GAS2L3: variants seen among roughly 807,000 people sequenced by gnomAD.
GAS2L3 encodes the protein GAS2-like protein 3.
In GAS2L3, 28 loss-of-function variants were observed where a neutral mutation model predicts 37.0. The ratio of observed to expected loss-of-function variants is 0.76; its 90% CI spans 0.56 to 1.04. GAS2L3 has a LOEUF of 1.04. Ranked by LOEUF, GAS2L3 falls within the 50% of genes least tolerant of loss-of-function variation. GAS2L3 has a pLI of 0.00. For synonymous variants in GAS2L3, 290 were observed against 296.6 expected (o/e 0.98, Z 0.23); for missense variants, 793 against 817.6 (o/e 0.97, Z 0.37).
Position 100,622,354 on chromosome 12 carries a change from G to C in GAS2L3, c.728G>C (p.Arg243Pro). The change falls in exon 9 of 10, where the codon CGA becomes CCA. Residue 243 changes from arginine to proline, a missense_variant. Physicochemically the swap from Arg to Pro is moderately radical, Grantham distance 103. Coordinates refer to ENST00000547754, the MANE Select transcript of GAS2L3 (RefSeq NM_174942.3). Reference protein sequence around the residue: ...SIEYLSEGRYRLGDKILFIRM... With the variant: ...SIEYLSEGRYPLGDKILFIRM... The stretch of plus-strand genomic sequence containing the variant: ...GAGTATTTATCTGAAGGACGGTACC[G>C]ACTAGGGGATAAAATACTCTTTATA... The C allele has an allele frequency of 6.3e-7, 1 of 1,577,570 alleles. No homozygotes were observed. Among genetic ancestry groups the C allele is most frequent in the Non-Finnish European group, 8.7e-7 (1 of 1,148,394 alleles).
intron 5 of GAS2L3, among the ~76,000 whole-genome samples, chr12:100,605,855 G>A (rs2136491867): frequency 6.6e-6 from 1 of 151,372 alleles, no homozygotes; most frequent in South Asian, 2.1e-4. Context: ...GGTCAGAGGA[G>A]ATGCTTTATG....
At chr12:100,578,154 ATGG>A (rs1236195703) in intron 1 of GAS2L3, among the ~76,000 whole-genome samples, 1 of 152,234 alleles carries the variant, frequency 6.6e-6, no homozygotes, top group Non-Finnish European at 1.5e-5. Context: ...GAGAAGGATG[ATGG>A]TGGCTTGAAC....
intron 5 of GAS2L3, among the ~76,000 whole-genome samples, chr12:100,611,790 C>A (rs893807159): frequency 6.6e-6 from 1 of 152,084 alleles, no homozygotes; most frequent in African/African-American, 2.4e-5. Context: ...TGCTAACAGG[C>A]CACAGACCGG....
intron 3 of GAS2L3, among the ~76,000 whole-genome samples, chr12:100,599,065 C>A (rs1461591965): frequency 6.6e-6 from 1 of 152,142 alleles, no homozygotes; most frequent in Non-Finnish European, 1.5e-5. Context: ...ACAGGGCTGT[C>A]CCCATACCCG....
chr12:100,602,748 A>T (rs1956007639), intron 5 of GAS2L3, among the ~76,000 whole-genome samples: 2 of 151,894 alleles, frequency 1.3e-5, no homozygotes, highest in Non-Finnish European at 2.9e-5. Flanking sequence ...AATTCTTTCT[A>T]ACTATATATT....
chr12:100,605,604 T>C (rs1245904761), intron 5 of GAS2L3, among the ~76,000 whole-genome samples: 2 of 151,940 alleles, frequency 1.3e-5, no homozygotes, highest in Non-Finnish European at 2.9e-5. Flanking sequence ...ATGTTTTTCT[T>C]CTTTTTTGAT....
At chr12:100,615,241 C>T (rs138971066) in intron 6 of GAS2L3, among the ~76,000 whole-genome samples, 12 of 152,246 alleles carry the variant, frequency 7.9e-5, no homozygotes, top group South Asian at 2.1e-4. Context: ...TTTTGATTCG[C>T]GTTTCCCTAA....
intron 1 of GAS2L3, chr12:100,579,289 T>A: frequency 3.2e-6 from 2 of 627,118 alleles, no homozygotes; most frequent in South Asian, 3.7e-5. Context: ...GCCGTATCAT[T>A]TGCGTTTCTT....
intron 5 of GAS2L3, chr12:100,610,915 T>A (rs974684100): frequency 4.6e-5 from 7 of 151,688 alleles, no homozygotes; most frequent in Admixed American, 4.6e-4. Flanking sequence ...TTTGATAGTC[T>A]CCTCAAGAAA....
chr12:100,579,533 G>A (rs761019681), intron 1 of GAS2L3: 5 of 774,008 alleles, frequency 6.5e-6, no homozygotes, highest in Non-Finnish European at 1.2e-5. Context: ...TTGGAGGAGA[G>A]GGACCAAAGA....
Position 100,622,290 on chromosome 12 carries a change from G to A in GAS2L3, c.664G>A (p.Glu222Lys), listed in dbSNP as rs117541078. 1.3e-3 allele frequency: 2,134 copies of A among 1,590,728 alleles called. 12 individuals carry two copies. Among genetic ancestry groups the A allele is most frequent in the Non-Finnish European group, 1.3e-3 (1,535 of 1,160,650 alleles). The change falls in exon 9 of 10, where the codon GAG becomes AAG. Residue 222 changes from glutamate to lysine, a missense_variant. Transcript: ENST00000547754. ...GTCATCTTAGGTTAAACATATTGCTGAGGACCCTCCTTGTAGTTGTTCTCA... is the reference window on the plus strand; with the variant it reads ...GTCATCTTAGGTTAAACATATTGCTAAGGACCCTCCTTGTAGTTGTTCTCA... ...ELHEAVKHIA[E>K]DPPCSCSHRF...
intron 8 of GAS2L3, among the ~76,000 whole-genome samples, chr12:100,620,403 G>T (rs745317184): frequency 6.6e-6 from 1 of 151,868 alleles, no homozygotes; most frequent in Non-Finnish European, 1.5e-5. Flanking sequence ...CTTCAGTATT[G>T]TAATGTAAAT....
intron 3 of GAS2L3, among the ~76,000 whole-genome samples, chr12:100,595,390 A>G (rs1049236673): frequency 1.3e-5 from 2 of 151,596 alleles, no homozygotes; most frequent in Non-Finnish European, 2.9e-5. Flanking sequence ...TAAAATTTTA[A>G]AGAGTGGGTT....
intron 1 of GAS2L3, among the ~76,000 whole-genome samples, chr12:100,588,006 C>T (rs562652924): frequency 1.2e-4 from 18 of 152,104 alleles, no homozygotes; most frequent in East Asian, 1.9e-4. Context: ...GAGCTGAGAT[C>T]GTGCCACTGC....
chr12:100,589,827 G>A (rs1006920920), intron 1 of GAS2L3, among the ~76,000 whole-genome samples: 1 of 152,132 alleles, frequency 6.6e-6, no homozygotes, highest in African/African-American at 2.4e-5. Context: ...GTGGGGGAAA[G>A]GACACCCTTT....
intron 5 of GAS2L3, among the ~76,000 whole-genome samples, chr12:100,608,084 C>G (rs187460856): frequency 3.2e-4 from 48 of 152,180 alleles, no homozygotes; most frequent in Middle Eastern, 3.4e-3. Context: ...GGGACTTGGG[C>G]CCCAAACCCA....
intron 3 of GAS2L3, among the ~76,000 whole-genome samples, chr12:100,598,519 G>T (rs1955942940): frequency 6.6e-6 from 1 of 152,092 alleles, no homozygotes; most frequent in Non-Finnish European, 1.5e-5. Flanking sequence ...TGGTTCCGAT[G>T]CTGTCTGTCA....
chr12:100,614,922 T>C (rs1956168719), intron 6 of GAS2L3, among the ~76,000 whole-genome samples: 1 of 152,222 alleles, frequency 6.6e-6, no homozygotes, highest in Admixed American at 6.5e-5. Flanking sequence ...CATCAGCTAG[T>C]GGGCATTTGG....
chr12:100,582,607 G>C (rs945607413), intron 1 of GAS2L3, among the ~76,000 whole-genome samples: 1 of 152,148 alleles, frequency 6.6e-6, no homozygotes, highest in African/African-American at 2.4e-5. Flanking sequence ...TGTTTCAAAA[G>C]GTTGCCCATG....
Sources: allele counts gnomAD v4.1 joint callset (sites outside exome capture counted in the v4.1 genomes callset), GRCh38; gene constraint gnomAD v4.1.1; transcripts MANE v1.5; gene names NCBI Gene and HGNC (gene_info 2026-07-23, HGNC 2026-07-21).